Variants in EPHB2 observed in about 807,000 individuals in gnomAD.
The protein encoded by EPHB2 is EPH receptor B2, also known as ephrin type-B receptor 2.
In EPHB2, 18 loss-of-function variants were observed where a neutral mutation model predicts 96.4. The observed-to-expected ratio is 0.19, with a 90% CI of 0.13 to 0.28. The LOEUF (loss-of-function observed/expected upper bound fraction) is 0.28. Among genes scored for constraint, EPHB2 ranks in the 10% least tolerant of loss-of-function variants. The pLI is 1.00. For missense variants in EPHB2, 989 were observed against 1,355.4 expected, an observed-to-expected ratio of 0.73 and a Z score of 4.25; for synonymous variants, 506 against 534.1, an observed-to-expected ratio of 0.95 and a Z score of 0.72.
chr1:22,817,067 A>C (rs150064425), intron 3 of EPHB2, among the ~76,000 whole-genome samples: 4 of 152,272 alleles, frequency 2.6e-5, no homozygotes, highest in Non-Finnish European at 5.9e-5. Flanking sequence ...GAAGATCAAT[A>C]CCAAGGTGGA....
In EPHB2 at chr1:22,860,423, C is replaced by T. The variant is rs1242437664; in HGVS notation, c.812-2614C>T. 6.6e-6 allele frequency among the ~76,000 whole-genome samples: 1 copy of T among 152,102 alleles called. No individual in the cohort carries two copies. The highest frequency in any genetic ancestry group is 2.4e-5 in the African/African-American group (1 of 41,410). On this transcript the variant is annotated intron_variant, in intron 3 of 15. Transcript: ENST00000374630. The surrounding 1 kb of genome is among the most constrained non-coding windows in gnomAD (Gnocchi z 4.6). ...CAGTGCCATAGATACAGAAATGATA[C>T]AGTGCCCGGTGGTGGGGGTCGAACC...
At chr1:22,852,600 G>A (rs893661753) in intron 3 of EPHB2, among the ~76,000 whole-genome samples, 1 of 152,176 alleles carries the variant, frequency 6.6e-6, no homozygotes, top group African/African-American at 2.4e-5. Flanking sequence ...GCAATGCGGG[G>A]GTCCAGGGGC....
chr1:22,898,824 T>A (rs1244662371), intron 9 of EPHB2, among the ~76,000 whole-genome samples: 3 of 152,148 alleles, frequency 2.0e-5, no homozygotes, highest in African/African-American at 4.8e-5. Flanking sequence ...CAGGACTGGA[T>A]GTGGATACGT....
chr1:22,729,803 C>A (rs899795412), intron 1 of EPHB2, among the ~76,000 whole-genome samples: 2 of 152,236 alleles, frequency 1.3e-5, no homozygotes, highest in African/African-American at 4.8e-5. Flanking sequence ...GTCAACTTTA[C>A]AAGGGCAGGG....
In EPHB2 at chr1:22,865,228, G is replaced by A. The variant is rs770602002; in HGVS notation, c.1303+16G>A. ...AACCAGGCAGGTAAGTGCTTCCGACGTGGGCCAGGGGAGTGCCCCATCGCG... is the reference window on the plus strand; with the variant it reads ...AACCAGGCAGGTAAGTGCTTCCGACATGGGCCAGGGGAGTGCCCCATCGCG... On this transcript the variant is annotated intron_variant, in intron 5 of 15. Coordinates refer to ENST00000374630, the MANE Select transcript of EPHB2 (RefSeq NM_017449.5). 9.9e-6 allele frequency: 16 copies of A among 1,614,138 alleles called. No homozygotes were observed. The highest frequency in any genetic ancestry group is 1.6e-4 in the Middle Eastern group (1 of 6,062).
chr1:22,845,831 C>T (rs1208619392), intron 3 of EPHB2, among the ~76,000 whole-genome samples: 2 of 152,138 alleles, frequency 1.3e-5, no homozygotes, highest in Non-Finnish European at 2.9e-5. Flanking sequence ...AAGGTGATTG[C>T]TCTAAATGGC....
intron 3 of EPHB2, among the ~76,000 whole-genome samples, chr1:22,834,099 A>G (rs1003707245): frequency 1.3e-5 from 2 of 152,188 alleles, no homozygotes; most frequent in East Asian, 3.8e-4. Flanking sequence ...ATCAGATCCA[A>G]TTGGTGGGAT....
At position 22,913,341 on chromosome 1, in the gene EPHB2, C is replaced by G. The variant is rs1640170790; in HGVS notation, c.2853-121C>G. 5.2e-6 allele frequency: 7 copies of G among 1,335,740 alleles called. No individual in the cohort carries two copies. Among genetic ancestry groups the G allele is most frequent in the Non-Finnish European group, 6.3e-6 (6 of 954,050 alleles). The allele number at this position is 1,335,740 out of a possible 1,614,324, so 82.7% of individuals were successfully genotyped here. On this transcript the variant is annotated intron_variant, in intron 15 of 15. Coordinates refer to ENST00000374630, the MANE Select transcript of EPHB2 (RefSeq NM_017449.5). This position sits in a 1 kb window ranked among gnomAD's most constrained non-coding sequence, Gnocchi z 4.1. The stretch of plus-strand genomic sequence containing the variant: ...GTGGCTGCCTGCCCACTCCCCACTC[C>G]CCACTCCCCAGTACTCCTTGCTTTG...
intron 3 of EPHB2, among the ~76,000 whole-genome samples, chr1:22,824,295 GGAAA>G (rs565366377): frequency 1.2e-3 from 187 of 151,214 alleles, no homozygotes; most frequent in African/African-American, 4.4e-3. Flanking sequence ...AAGGAAGGAA[GGAAA>G]GAAAGAAAGA....
intron 5 of EPHB2, among the ~76,000 whole-genome samples, chr1:22,871,267 C>A (rs1217883001): frequency 6.6e-6 from 1 of 152,198 alleles, no homozygotes; most frequent in East Asian, 1.9e-4. Flanking sequence ...ATGCCTTCTA[C>A]AGAGATGGGG....
chr1:22,723,153 G>A (rs971031795), intron 1 of EPHB2, among the ~76,000 whole-genome samples: 3 of 152,232 alleles, frequency 2.0e-5, no homozygotes, highest in Admixed American at 6.5e-5. Flanking sequence ...ATGGGAAGCC[G>A]GAAGGACAAA....
At position 22,719,413 on chromosome 1, in the gene EPHB2, T is replaced by C. The variant is rs12027546; in HGVS notation, c.61+8370T>C. ...CAAGAGATTTTACAGAAAAGTCCTG[T>C]TTCTGGCGTTTCTGAAAAGTCAGAC... On this transcript the variant is annotated intron_variant, in intron 1 of 15. Coordinates refer to ENST00000374630, the MANE Select transcript of EPHB2 (RefSeq NM_017449.5). 12 of 154,324 alleles carry C rather than the reference T, an allele frequency of 7.8e-5. No individual in the cohort carries two copies. In the East Asian group the frequency reaches 1.7e-3, roughly 22 times the overall value. The allele number at this position is 154,324 out of a possible 1,614,324, so 9.6% of individuals were successfully genotyped here.
Position 22,906,630 on chromosome 1 carries a change from A to G in EPHB2, c.1889-80A>G. 1 of 1,603,782 alleles carries G rather than the reference A, an allele frequency of 6.2e-7. No individual in the cohort carries two copies. Among genetic ancestry groups the G allele is most frequent in the Non-Finnish European group, 8.5e-7 (1 of 1,176,088 alleles). ...AGAAAATGTACCTGCAGGCCCCGTGAGTGGACATGACAGGGAACAGGAAGG... is the reference window on the plus strand; with the variant it reads ...AGAAAATGTACCTGCAGGCCCCGTGGGTGGACATGACAGGGAACAGGAAGG... On this transcript the variant is annotated intron_variant, in intron 10 of 15. Transcript: ENST00000374630. This position sits in a 1 kb window ranked among gnomAD's most constrained non-coding sequence, Gnocchi z 4.8.
At chr1:22,755,816 A>G (rs1318524963) in intron 1 of EPHB2, among the ~76,000 whole-genome samples, 1 of 151,740 alleles carries the variant, frequency 6.6e-6, no homozygotes, top group African/African-American at 2.4e-5. Flanking sequence ...CAGTCATACT[A>G]TTATTATTAT....
chr1:22,886,868 C>T (rs1431127916), intron 6 of EPHB2, among the ~76,000 whole-genome samples: 5 of 151,928 alleles, frequency 3.3e-5, no homozygotes, highest in Admixed American at 1.3e-4. Flanking sequence ...TCAGGTGATC[C>T]GCCCACCTCA....
intron 1 of EPHB2, among the ~76,000 whole-genome samples, chr1:22,754,183 C>G (rs1056145887): frequency 1.6e-4 from 15 of 94,618 alleles, no homozygotes; most frequent in Non-Finnish European, 3.2e-4. Context: ...ATGGAGATAG[C>G]AGAAATGTCC....
chr1:22,847,607 C>T (rs1645562607), intron 3 of EPHB2, among the ~76,000 whole-genome samples: 1 of 152,156 alleles, frequency 6.6e-6, no homozygotes. Context: ...GCCCAGGGCC[C>T]AGGCAGGCTG....
At chr1:22,840,433 T>C (rs1036293879) in intron 3 of EPHB2, among the ~76,000 whole-genome samples, 2 of 152,136 alleles carry the variant, frequency 1.3e-5, no homozygotes, top group Non-Finnish European at 2.9e-5. Context: ...TGGTAAAACC[T>C]TGGATGGAAA....
At position 22,921,377 on chromosome 1, in the gene EPHB2, T is replaced by A. The variant is rs575771147; in HGVS notation, c.*7807T>A. On this transcript the variant is annotated 3_prime_UTR_variant, in exon 16 of 16. Transcript: ENST00000374630. ...CTGGCTCCTCCGGACCCCACTGCTGTGACCAAGGAAATCTCACCAGCTGTG... is the reference window on the plus strand; with the variant it reads ...CTGGCTCCTCCGGACCCCACTGCTGAGACCAAGGAAATCTCACCAGCTGTG... The A allele has an allele frequency of 6.6e-6, 1 of 152,340 alleles. No homozygotes were observed. Among genetic ancestry groups the A allele is most frequent in the South Asian group, 2.1e-4 (1 of 4,824 alleles). 9.4% of individuals were successfully genotyped at this position (152,340 alleles called of 1,614,324 possible).
Sources: allele counts gnomAD v4.1 joint callset (sites outside exome capture counted in the v4.1 genomes callset), GRCh38; gene constraint gnomAD v4.1.1; non-coding constraint Gnocchi (gnomAD v3.1); transcripts MANE v1.5; gene names NCBI Gene and HGNC (gene_info 2026-07-23, HGNC 2026-07-21).